Variants in CADM2 observed in about 807,000 individuals in gnomAD.
The protein encoded by CADM2 is immunoglobulin superfamily member 4D.
Under a neutral mutation model 49.8 loss-of-function variants are expected in CADM2, and 12 were observed. The observed-to-expected ratio is 0.24, with a 90% CI of 0.15 to 0.39. The LOEUF (loss-of-function observed/expected upper bound fraction) is 0.39. Ranked by LOEUF, CADM2 falls within the 10% of genes least tolerant of loss-of-function variation. The pLI is 1.00. For missense variants in CADM2, 378 were observed against 492.3 expected (o/e 0.77, Z 2.20); for synonymous variants, 214 against 175.4 (o/e 1.22, Z -1.74).
At chr3:85,495,810 T>A (rs564234449) in intron 1 of CADM2, among the ~76,000 whole-genome samples, 5 of 151,126 alleles carry the variant, frequency 3.3e-5, no homozygotes, top group African/African-American at 1.2e-4. Flanking sequence ...GAGTGAGGAG[T>A]CATTCATTAC....
In CADM2 at chr3:85,000,114, TTCTC is replaced by T. The variant is rs59094520; in HGVS notation, c.61+40477_61+40480del. Among the ~76,000 whole-genome samples, 343 of 136,808 alleles carry T rather than the reference TTCTC, an allele frequency of 2.5e-3. 2 individuals are homozygous for T. In the South Asian group the frequency reaches 0.032, roughly 13 times the overall value. The allele number at this position is 136,808 out of a possible 152,430, so 89.8% of individuals were successfully genotyped here. On this transcript the variant is annotated intron_variant, in intron 1 of 9. Coordinates refer to ENST00000383699, the MANE Select transcript of CADM2 (RefSeq NM_001167675.2). ...ATATAACATATAGGTTGCTTCTACT[TTCTC>T]TCTCTCTCTCTCTCTCTCTCTCTCT...
rs117750080 is a variant in CADM2, at chr3:85,969,007, G to T, written c.970+7360G>T. Among the ~76,000 whole-genome samples the T allele has an allele frequency of 4.9e-3, 748 of 151,574 alleles. 7 individuals are homozygous for T. Among genetic ancestry groups the T allele is most frequent in the East Asian group, 0.048 (244 of 5,098 alleles). On this transcript the variant is annotated intron_variant, in intron 8 of 9. Coordinates refer to ENST00000383699, the MANE Select transcript of CADM2 (RefSeq NM_001167675.2). ...ACCCTTCTCTCCAATTCATCACGAA[G>T]TTCCATCAACGTTGCTTCCAAATCA...
intron 1 of CADM2, among the ~76,000 whole-genome samples, chr3:85,429,316 G>GC (rs2036562235): frequency 6.6e-6 from 1 of 151,996 alleles, no homozygotes; most frequent in Admixed American, 6.6e-5. Context: ...AGCATTTTAT[G>GC]CCCCGCACGA....
At chr3:85,959,108 C>A (rs1234054123) in intron 7 of CADM2, among the ~76,000 whole-genome samples, 1 of 148,840 alleles carries the variant, frequency 6.7e-6, no homozygotes, top group Admixed American at 6.8e-5. Flanking sequence ...ATCTGTATAT[C>A]TATATCTATA....
intron 1 of CADM2, among the ~76,000 whole-genome samples, chr3:85,153,952 CA>C (rs1430668695): frequency 6.6e-6 from 1 of 151,972 alleles, no homozygotes; most frequent in Non-Finnish European, 1.5e-5. Context: ...TCACCATCAT[CA>C]AAGACCAAAA....
intron 1 of CADM2, among the ~76,000 whole-genome samples, chr3:85,312,976 A>G (rs748981474): frequency 1.7e-4 from 26 of 152,196 alleles, no homozygotes; most frequent in Non-Finnish European, 2.8e-4. Context: ...CCCTTATCAC[A>G]TTTAATCCCA....
At chr3:85,874,331 A>G (rs1327851027) in intron 3 of CADM2, among the ~76,000 whole-genome samples, 4 of 152,098 alleles carry the variant, frequency 2.6e-5, no homozygotes, top group African/African-American at 9.7e-5. Flanking sequence ...AGAATATGGG[A>G]TTCTGTAAAA....
At chr3:85,051,062 T>G in intron 1 of CADM2, among the ~76,000 whole-genome samples, 1 of 152,192 alleles carries the variant, frequency 6.6e-6, no homozygotes, top group Admixed American at 6.5e-5. Flanking sequence ...AAAGCTTATG[T>G]GGAGACTAGC....
At chr3:85,109,323 A>G (rs1197476341) in intron 1 of CADM2, among the ~76,000 whole-genome samples, 2 of 152,014 alleles carry the variant, frequency 1.3e-5, no homozygotes, top group Non-Finnish European at 2.9e-5. Flanking sequence ...TAGATGATAA[A>G]GATAGCATTA....
intron 8 of CADM2, chr3:86,014,767 G>C: frequency 6.8e-7 from 1 of 1,481,344 alleles, no homozygotes; most frequent in Non-Finnish European, 9.0e-7. Flanking sequence ...AAGCTTCACT[G>C]TTGGAGAATC....
At chr3:85,997,516 C>G (rs1030103660) in intron 8 of CADM2, among the ~76,000 whole-genome samples, 4 of 152,106 alleles carry the variant, frequency 2.6e-5, no homozygotes, top group Non-Finnish European at 5.9e-5. Flanking sequence ...ATGGAAACAT[C>G]ACTATTATAA....
chr3:85,978,559 G>A (rs895824154), intron 8 of CADM2, among the ~76,000 whole-genome samples: 4 of 151,544 alleles, frequency 2.6e-5, no homozygotes, highest in African/African-American at 4.8e-5. Flanking sequence ...GGTAAGAATT[G>A]CAAGACTCTA....
chr3:84,959,463 G>A lies in CADM2; in HGVS notation c.-145G>A. ...CTTCTGCTGCCGCCGATCCGAGTCC[G>A]CGGGTTCGAACACCGCAGCGGTGGG... On this transcript the variant is annotated 5_prime_UTR_variant, in exon 1 of 10. Coordinates refer to ENST00000383699, the MANE Select transcript of CADM2 (RefSeq NM_001167675.2). 1 of 698,426 alleles carries A rather than the reference G, an allele frequency of 1.4e-6. No homozygotes were observed. Among genetic ancestry groups the A allele is most frequent in the East Asian group, 3.0e-5 (1 of 33,566 alleles). 43.3% of individuals were successfully genotyped at this position (698,426 alleles called of 1,614,324 possible).
At chr3:85,825,679 T>C (rs936324781) in intron 3 of CADM2, among the ~76,000 whole-genome samples, 1 of 152,112 alleles carries the variant, frequency 6.6e-6, no homozygotes, top group Non-Finnish European at 1.5e-5. Flanking sequence ...AATACATATT[T>C]TATTTTATAT....
chr3:85,371,691 A>G (rs866247703), intron 1 of CADM2, among the ~76,000 whole-genome samples: 2,320 of 140,002 alleles, frequency 0.017, 87 homozygotes, highest in African/African-American at 0.049. Flanking sequence ...ATATATATAT[A>G]TATATATATA....
intron 1 of CADM2, among the ~76,000 whole-genome samples, chr3:85,372,352 T>C (rs1052240365): frequency 6.8e-6 from 1 of 146,848 alleles, no homozygotes; most frequent in African/African-American, 2.7e-5. Flanking sequence ...TATATATATA[T>C]GTGTGTGTGT....
intron 1 of CADM2, among the ~76,000 whole-genome samples, chr3:85,364,908 TA>T: frequency 6.8e-6 from 1 of 146,590 alleles, no homozygotes; most frequent in African/African-American, 2.5e-5. Context: ...ACAACAACAA[TA>T]AACTAGAAGA....
intron 1 of CADM2, among the ~76,000 whole-genome samples, chr3:85,351,203 G>GA (rs1559794543): frequency 1.3e-5 from 2 of 151,886 alleles, no homozygotes; most frequent in South Asian, 2.1e-4. Context: ...TGATTGAACT[G>GA]AAAAAAACAA....
intron 1 of CADM2, among the ~76,000 whole-genome samples, chr3:85,710,029 C>T (rs142608975): frequency 5.9e-5 from 9 of 152,204 alleles, no homozygotes; most frequent in Non-Finnish European, 1.0e-4. Context: ...CACAGCTCTC[C>T]GGAAATGGAA....
Sources: allele counts gnomAD v4.1 joint callset (sites outside exome capture counted in the v4.1 genomes callset), GRCh38; gene constraint gnomAD v4.1.1; transcripts MANE v1.5; gene names NCBI Gene and HGNC (gene_info 2026-07-23, HGNC 2026-07-21).